Variants in REG3G observed in about 807,000 individuals in gnomAD.
REG3G encodes regenerating islet-derived protein 3-gamma.
Under a neutral mutation model 20.9 loss-of-function variants are expected in REG3G, and 19 were observed. The ratio of observed to expected loss-of-function variants is 0.91; its 90% CI spans 0.64 to 1.34. The LOEUF (loss-of-function observed/expected upper bound fraction) is 1.34. Ranked by LOEUF, REG3G falls within the 40% of genes most tolerant of loss-of-function variation. REG3G has a pLI of 0.00. For missense variants in REG3G, 235 were observed against 205.0 expected (o/e 1.15, Z -0.89); for synonymous variants, 89 against 77.4 (o/e 1.15, Z -0.79).
chr2:79,026,265 G>A, intron 2 of REG3G, 96 bp downstream of exon 2: 2 of 1,240,744 alleles, frequency 1.6e-6, no homozygotes, highest in South Asian at 1.2e-5. Context: ...GTAATGACGT[G>A]GTGTCTAATG....
At chr2:79,026,630 G>C in intron 2 of REG3G, 83 bp from the exon 3 acceptor site, 1 of 1,104,682 alleles carries the variant, frequency 9.1e-7, no homozygotes, top group South Asian at 1.5e-5. Flanking sequence ...TCCTCCCCAA[G>C]GGCAGACCTA....
intron 4 of REG3G, 131 bp from the exon 5 acceptor site, chr2:79,027,676 T>A (rs1310972469): frequency 1.0e-6 from 1 of 997,054 alleles, no homozygotes; most frequent in East Asian, 2.4e-5. Flanking sequence ...CAGAGGACTC[T>A]AGGGCAGCAT....
At chr2:79,028,087 T>C in intron 5 of REG3G, 122 bp from the exon 6 acceptor site, 1 of 1,269,794 alleles carries the variant, frequency 7.9e-7, no homozygotes, top group African/African-American at 1.5e-5. Flanking sequence ...CTCATTCTCC[T>C]GGATTGAGAA....
chr2:79,025,968 C>A lies in REG3G; in HGVS notation c.-111-15C>A, dbSNP rs1671606787. ...GAACTGTAGAAGATGATGAATGTGACCAAGATCACTTCAGTCCTAGGGGAC... is the reference window on the plus strand; with the variant it reads ...GAACTGTAGAAGATGATGAATGTGAACAAGATCACTTCAGTCCTAGGGGAC... On this transcript the variant is annotated splice_polypyrimidine_tract_variant and intron_variant, in intron 1 of 5. Coordinates refer to ENST00000272324, the MANE Select transcript of REG3G (RefSeq NM_001008387.3). The A allele has an allele frequency of 5.9e-6, 5 of 854,318 alleles. No individual in the cohort carries two copies. The highest frequency in any genetic ancestry group is 1.6e-5 in the South Asian group (1 of 63,060). 52.9% of individuals were successfully genotyped at this position (854,318 alleles called of 1,614,324 possible). A position where few individuals can be genotyped will look rare whatever the true frequency, so the allele number is the denominator to read the frequency against.
rs150272129 is a variant in REG3G at position 79,028,048 on chromosome 2, G to A, written c.460+115G>A. The A allele has an allele frequency of 6.6e-4, 905 of 1,378,752 alleles. 4 individuals are homozygous for A. The African/African-American group carries it at 8.7e-3, about 13-fold the overall frequency. 85.4% of individuals were successfully genotyped at this position (1,378,752 alleles called of 1,614,324 possible). ...ATGCAGTGTTTATGTGCCTTCTCCC[G>A]TCTCCTCTCATCTCTGCCTTCTTTG... On this transcript the variant is annotated intron_variant, in intron 5 of 5. Transcript: ENST00000272324.
chr2:79,026,817 T>G lies in REG3G; in HGVS notation c.181T>G (p.Trp61Gly). Residue 61 changes from tryptophan (W) to glycine (G), a missense_variant, in exon 3 of 6, where the codon TGG (tryptophan) becomes GGG (glycine). By Grantham distance (184) the Trp-to-Gly change is radical. Coordinates refer to ENST00000272324, the MANE Select transcript of REG3G (RefSeq NM_001008387.3). ...TGCCTTGTTTTTGTCACCAAAATCCTGGATGGATGCAGATGTGAGTGGTTA... is the reference window on the plus strand; with the variant it reads ...TGCCTTGTTTTTGTCACCAAAATCCGGGATGGATGCAGATGTGAGTGGTTA... ...CYALFLSPKS[W>G]MDADLACQKR... 1.2e-6 allele frequency: 2 copies of G among 1,612,234 alleles called. No individual in the cohort carries two copies. Among genetic ancestry groups the G allele is most frequent in the Non-Finnish European group, 1.7e-6 (2 of 1,179,582 alleles).
intron 2 of REG3G, chr2:79,026,460 C>T (rs544619488): frequency 1.7e-6 from 1 of 596,168 alleles, no homozygotes; most frequent in Non-Finnish European, 3.0e-6. Flanking sequence ...GATTGGAGGA[C>T]CCAATATAGA....
chr2:79,026,605 T>A, intron 2 of REG3G, 108 bp from the exon 3 acceptor site: 1 of 848,632 alleles, frequency 1.2e-6, no homozygotes, highest in Non-Finnish European at 1.9e-6. Flanking sequence ...TGAAGAGCTG[T>A]CAGGAATGTG....
rs189461206 is a variant in REG3G, at chr2:79,026,815, C to T, written c.179C>T (p.Ser60Phe). Reference protein sequence around the residue: ...PCYALFLSPKSWMDADLACQK... With the variant: ...PCYALFLSPKFWMDADLACQK... Reference sequence around the variant, plus strand: ...TATGCCTTGTTTTTGTCACCAAAATCCTGGATGGATGCAGATGTGAGTGGT... The same window carrying T: ...TATGCCTTGTTTTTGTCACCAAAATTCTGGATGGATGCAGATGTGAGTGGT... Residue 60 changes from serine (S) to phenylalanine (F), a missense_variant, in exon 3 of 6, where the codon TCC (serine) becomes TTC (phenylalanine). Coordinates refer to ENST00000272324, the MANE Select transcript of REG3G (RefSeq NM_001008387.3). The T allele has an allele frequency of 3.1e-6, 5 of 1,612,314 alleles. No homozygotes were observed. In the Admixed American group the frequency reaches 6.7e-5, roughly 22 times the overall value.
chr2:79,026,725 A>G lies in REG3G; in HGVS notation c.89A>G (p.Gln30Arg). 2.5e-6 allele frequency: 4 copies of G among 1,613,586 alleles called. No individual in the cohort carries two copies. The highest frequency in any genetic ancestry group is 3.4e-6 in the Non-Finnish European group (4 of 1,179,782). ...TCTTCCACCCCAGGTGAAGAAACCC[A>G]GAAGGAACTGCCCTCTCCACGGATC... ...LLCQVQGEET[Q>R]KELPSPRISC... is the part of the protein sequence containing the mutation. The change falls in exon 3 of 6, where the codon CAG (glutamine) becomes CGG (arginine). Residue 30 changes from glutamine to arginine, a missense_variant. By Grantham distance (43) the Gln-to-Arg change is conservative. Coordinates refer to ENST00000272324, the MANE Select transcript of REG3G (RefSeq NM_001008387.3).
At chr2:79,026,282 C>A in intron 2 of REG3G, 113 bp downstream of exon 2, 1 of 958,252 alleles carries the variant, frequency 1.0e-6, no homozygotes, top group South Asian at 1.4e-5. Context: ...AATGAAACTG[C>A]CTGCAGTTCC....
chr2:79,026,382 C>T lies in REG3G; in HGVS notation c.76+213C>T, dbSNP rs897470410. On this transcript the variant is annotated intron_variant, in intron 2 of 5. Coordinates refer to ENST00000272324, the MANE Select transcript of REG3G (RefSeq NM_001008387.3). ...TGGAATGAGATGGCTTCCATTTAGT[C>T]AGTGGACTCTAATATACACTGGTGG... 11 of 613,052 alleles carry T rather than the reference C, an allele frequency of 1.8e-5. No homozygotes were observed. In the African/African-American group the frequency reaches 1.8e-4, roughly 10 times the overall value. The allele number at this position is 613,052 out of a possible 1,614,324, so 38.0% of individuals were successfully genotyped here.
intron 4 of REG3G, 56 bp downstream of exon 4, chr2:79,027,227 C>T (rs935257978): frequency 4.5e-5 from 71 of 1,577,572 alleles, no homozygotes; most frequent in Middle Eastern, 1.7e-4. Flanking sequence ...GTTGCCCAGG[C>T]GCACTCCCTG....
intron 1 of REG3G, 95 bp from the exon 2 acceptor site, chr2:79,025,888 G>A: frequency 1.8e-6 from 1 of 565,526 alleles, no homozygotes; most frequent in Non-Finnish European, 3.2e-6. Flanking sequence ...GACTCAGCAA[G>A]GCTGTACTGG....
rs753739066 is a variant in REG3G at position 79,028,371 on chromosome 2, C to G, written c.*95C>G. On this transcript the variant is annotated 3_prime_UTR_variant, in exon 6 of 6. Transcript: ENST00000272324. The stretch of plus-strand genomic sequence containing the variant: ...TCACCCTGGAAGAGAATATTCTCCC[C>G]AAACTGCCCTACCTGACTACCTTGT... 59 of 827,174 alleles carry G rather than the reference C, an allele frequency of 7.1e-5. No individual in the cohort carries two copies. The highest frequency in any genetic ancestry group is 1.2e-4 in the Non-Finnish European group (56 of 478,682). 51.2% of individuals were successfully genotyped at this position (827,174 alleles called of 1,614,324 possible). A position where few individuals can be genotyped will look rare whatever the true frequency, so the allele number is the denominator to read the frequency against.
intron 2 of REG3G, 170 bp from the exon 3 acceptor site, chr2:79,026,543 C>T: frequency 1.6e-6 from 1 of 626,630 alleles, no homozygotes; most frequent in Non-Finnish European, 2.8e-6. Context: ...GATGGTGGCC[C>T]ATTTAGTAGG....
rs1671610435 is a variant in REG3G, at chr2:79,026,083, T to C, written c.-11T>C. On this transcript the variant is annotated 5_prime_UTR_variant, in exon 2 of 6. Transcript: ENST00000272324. ...TTAGTGACCCGATTGCCTCCTCAAGTCGCAGACACTATGCTGCCTCCCATG... is the reference window on the plus strand; with the variant it reads ...TTAGTGACCCGATTGCCTCCTCAAGCCGCAGACACTATGCTGCCTCCCATG... 1 of 1,613,704 alleles carries C rather than the reference T, an allele frequency of 6.2e-7. No individual in the cohort carries two copies. The highest frequency in any genetic ancestry group is 1.7e-5 in the Admixed American group (1 of 59,982).
At chr2:79,026,196 G>C in intron 2 of REG3G, 27 bp downstream of exon 2, 1 of 1,609,558 alleles carries the variant, frequency 6.2e-7, no homozygotes, top group Non-Finnish European at 8.5e-7. Flanking sequence ...TCTAGCACTG[G>C]GTTCCCTATG....
chr2:79,026,334 G>A (rs1671619554), intron 2 of REG3G, 165 bp downstream of exon 2: 2 of 686,750 alleles, frequency 2.9e-6, no homozygotes, highest in Non-Finnish European at 2.5e-6. Context: ...GCAGTGGGAG[G>A]CTCCACTGTG....
Sources: gnomAD v4.1 joint callset for allele counts on GRCh38, gnomAD v4.1.1 for gene constraint, MANE v1.5 for transcripts, NCBI Gene and HGNC (gene_info 2026-07-23, HGNC 2026-07-21) for gene names.